Variants in ARB2A observed in about 807,000 individuals in gnomAD.
ARB2A encodes ARB2 cotranscriptional regulator A, also known as cotranscriptional regulator ARB2A.
chr5:93,994,679 C>T, the ARB2A span, among the ~76,000 whole-genome samples: 1 of 151,616 alleles, frequency 6.6e-6, no homozygotes, highest in African/African-American at 2.4e-5. Flanking sequence ...AACCACATAG[C>T]CTAAGACATA....
At chr5:93,851,086 G>GT in the ARB2A span, among the ~76,000 whole-genome samples, 1 of 152,084 alleles carries the variant, frequency 6.6e-6, no homozygotes, top group East Asian at 1.9e-4. Context: ...GATGGACCCA[G>GT]TTAAGTATTT....
At chr5:93,918,644 ACTC>A in the ARB2A span, among the ~76,000 whole-genome samples, 1 of 151,586 alleles carries the variant, frequency 6.6e-6, no homozygotes, top group Admixed American at 6.6e-5. Flanking sequence ...CTGGCTTCAA[ACTC>A]CTGACCTTGG....
chr5:93,865,602 C>T, the ARB2A span: 1 of 985,246 alleles, frequency 1.0e-6, no homozygotes, highest in Non-Finnish European at 1.2e-6. Context: ...ACAATTAGGA[C>T]ACTTGGGGCT....
the ARB2A span, among the ~76,000 whole-genome samples, chr5:94,035,781 T>C: frequency 2.0e-5 from 3 of 152,080 alleles, no homozygotes; most frequent in African/African-American, 4.8e-5. Flanking sequence ...CCGCATGTTC[T>C]CACTCATAAG....
the ARB2A span, among the ~76,000 whole-genome samples, chr5:93,655,231 GTTC>G: frequency 6.6e-6 from 1 of 152,082 alleles, no homozygotes; most frequent in East Asian, 1.9e-4. Flanking sequence ...GGATTTTTGT[GTTC>G]TTCATTCTCT....
chr5:93,755,687 A>T, the ARB2A span, among the ~76,000 whole-genome samples: 2 of 152,182 alleles, frequency 1.3e-5, no homozygotes, highest in African/African-American at 4.8e-5. Flanking sequence ...TGGAGAGCCG[A>T]GTGAAATACA....
chr5:93,800,564 G>A, the ARB2A span, among the ~76,000 whole-genome samples: 1 of 152,066 alleles, frequency 6.6e-6, no homozygotes, highest in African/African-American at 2.4e-5. Flanking sequence ...ACATTTGGAA[G>A]ATGGGGGACA....
At chr5:93,902,304 T>A in the ARB2A span, among the ~76,000 whole-genome samples, 1 of 152,114 alleles carries the variant, frequency 6.6e-6, no homozygotes, top group Non-Finnish European at 1.5e-5. Flanking sequence ...CCAAATAAAG[T>A]CACACTAGTA....
At chr5:93,851,429 C>T in the ARB2A span, among the ~76,000 whole-genome samples, 108,039 of 152,042 alleles carry the variant, frequency 0.71, 40,104 homozygotes, top group South Asian at 0.85. Context: ...CAGCAGCATA[C>T]GTAACATTGC....
At chr5:93,821,224 T>C in the ARB2A span, among the ~76,000 whole-genome samples, 1 of 152,180 alleles carries the variant, frequency 6.6e-6, no homozygotes, top group East Asian at 1.9e-4. Flanking sequence ...ACGAAGAATG[T>C]GAACTTGTAG....
chr5:93,747,304 A>G, the ARB2A span, among the ~76,000 whole-genome samples: 1 of 152,132 alleles, frequency 6.6e-6, no homozygotes, highest in African/African-American at 2.4e-5. Flanking sequence ...CTTTGATGCT[A>G]TTACCATCAC....
chr5:93,703,674 G>C, the ARB2A span, among the ~76,000 whole-genome samples: 2 of 152,188 alleles, frequency 1.3e-5, no homozygotes, highest in African/African-American at 4.8e-5. Context: ...GTAGTTACTA[G>C]AGAAGGTATC....
At chr5:93,854,744 C>A in the ARB2A span, among the ~76,000 whole-genome samples, 1 of 152,140 alleles carries the variant, frequency 6.6e-6, no homozygotes, top group Non-Finnish European at 1.5e-5. Context: ...GCAGGTTGTT[C>A]AGTTTCCATG....
At chr5:93,948,575 G>A in the ARB2A span, among the ~76,000 whole-genome samples, 1 of 152,004 alleles carries the variant, frequency 6.6e-6, no homozygotes, top group African/African-American at 2.4e-5. Flanking sequence ...TAGACATGAA[G>A]TCCTTGCCCA....
At chr5:93,826,661 T>C in the ARB2A span, among the ~76,000 whole-genome samples, 3 of 152,066 alleles carry the variant, frequency 2.0e-5, no homozygotes, top group South Asian at 2.1e-4. Flanking sequence ...TTGTTACATA[T>C]GAATACATGT....
chr5:93,971,149 C>A, the ARB2A span, among the ~76,000 whole-genome samples: 1 of 152,024 alleles, frequency 6.6e-6, no homozygotes, highest in African/African-American at 2.4e-5. Flanking sequence ...CAGGTGCCCA[C>A]GACCACGCTC....
the ARB2A span, among the ~76,000 whole-genome samples, chr5:93,812,453 A>C: frequency 6.6e-6 from 1 of 152,166 alleles, no homozygotes; most frequent in Non-Finnish European, 1.5e-5. Context: ...TAGAAAATCA[A>C]CATTTATACT....
chr5:93,856,050 G>A, the ARB2A span, among the ~76,000 whole-genome samples: 3 of 151,820 alleles, frequency 2.0e-5, no homozygotes, highest in African/African-American at 7.3e-5. Flanking sequence ...CAAAGACAAA[G>A]AAGTTAAAAA....
chr5:93,798,670 TGAGAA>T, the ARB2A span, among the ~76,000 whole-genome samples: 7 of 152,050 alleles, frequency 4.6e-5, no homozygotes, highest in Admixed American at 1.3e-4. Context: ...TTTGTATGGA[TGAGAA>T]AACAGATAAA....
Sources: allele counts gnomAD v4.1 joint callset (sites outside exome capture counted in the v4.1 genomes callset), GRCh38; gene constraint gnomAD v4.1.1; transcripts MANE v1.5; gene names NCBI Gene and HGNC (gene_info 2026-07-23, HGNC 2026-07-21).